The following LARP4B variants were observed in gnomAD, a reference collection of about 807,000 sequenced individuals.
LARP4B encodes the protein la-related protein 4B.
A neutral mutation model predicts 89.8 loss-of-function variants in LARP4B; 12 were observed. That is an observed-to-expected ratio of 0.13 (90% CI 0.09 to 0.22). The LOEUF is 0.22. Among genes scored for constraint, LARP4B ranks in the 10% least tolerant of loss-of-function variants. The pLI is 1.00. For synonymous variants in LARP4B, 367 were observed against 363.3 expected, an observed-to-expected ratio of 1.01 and a Z score of -0.12; for missense variants, 757 against 947.7, an observed-to-expected ratio of 0.80 and a Z score of 2.64.
chr10:872,165 G>C (rs910265901), intron 3 of LARP4B, among the ~76,000 whole-genome samples: 19 of 152,350 alleles, frequency 1.2e-4, no homozygotes, highest in African/African-American at 4.3e-4. Context: ...AGGGAATTCA[G>C]TGCAAGCTTC....
the LARP4B span, among the ~76,000 whole-genome samples, chr10:966,526 A>G: frequency 2.0e-5 from 3 of 152,338 alleles, no homozygotes; most frequent in South Asian, 6.2e-4. Flanking sequence ...GAGCCGTGGG[A>G]GCTGGGTCAG....
At chr10:927,891 G>A (rs1398446467) in intron 1 of LARP4B, among the ~76,000 whole-genome samples, 1 of 152,178 alleles carries the variant, frequency 6.6e-6, no homozygotes, top group African/African-American at 2.4e-5. Flanking sequence ...TAAGAGTACT[G>A]TATGCATGAT....
rs1830622818 is a variant in LARP4B, at chr10:931,690, T to TGAGAACACACAGCTCCCAC, written c.-303_-302insGTGGGAGCTGTGTGTTCTC. The TGAGAACACACAGCTCCCAC allele has an allele frequency of 6.6e-6, 1 of 151,654 alleles. No individual in the cohort carries two copies. The highest frequency in any genetic ancestry group is 2.4e-5 in the African/African-American group (1 of 41,240). The allele number at this position is 151,654 out of a possible 1,614,324, so 9.4% of individuals were successfully genotyped here. Reference sequence around the variant, plus strand: ...TCCCCAACGCTCCTTCCCGTTCGCATGAGAACACACAGCTCCCACTTCCGG... The same window carrying TGAGAACACACAGCTCCCAC: ...TCCCCAACGCTCCTTCCCGTTCGCATGAGAACACACAGCTCCCACGAGAACACACAGCTCCCACTTCCGG... On this transcript the variant is annotated 5_prime_UTR_variant, in exon 1 of 18. Coordinates refer to ENST00000316157, the MANE Select transcript of LARP4B (RefSeq NM_015155.3).
chr10:888,349 A>C (rs141721704), intron 1 of LARP4B, among the ~76,000 whole-genome samples: 1,930 of 151,098 alleles, frequency 0.013, 45 homozygotes, highest in East Asian at 0.097. Context: ...AAAAAAAAAA[A>C]ACACACACAC....
intron 3 of LARP4B, among the ~76,000 whole-genome samples, chr10:875,442 A>G (rs1400535005): frequency 2.6e-5 from 4 of 152,120 alleles, no homozygotes; most frequent in African/African-American, 9.7e-5. Flanking sequence ...GACCTCTTCT[A>G]TCTCATACTA....
chr10:873,180 G>A lies in LARP4B; in HGVS notation c.142-8910C>T, dbSNP rs994457163. On this transcript the variant is annotated intron_variant, in intron 3 of 17. Coordinates refer to ENST00000316157, the MANE Select transcript of LARP4B (RefSeq NM_015155.3). ...TCACAAGCACACGACAGGCGTGCTG[G>A]TCCCAAGCCTCCACAGACGCACCTC... The A allele has an allele frequency of 1.5e-5, 15 of 984,600 alleles. No individual in the cohort carries two copies. The African/African-American group carries it at 2.6e-4, about 17-fold the overall frequency. The allele number at this position is 984,600 out of a possible 1,614,324, so 61.0% of individuals were successfully genotyped here.
intron 1 of LARP4B, among the ~76,000 whole-genome samples, chr10:927,387 A>G (rs1305220669): frequency 5.3e-5 from 8 of 152,294 alleles, no homozygotes; most frequent in Non-Finnish European, 1.5e-5. Context: ...AAAGCATTAG[A>G]ACGTTAGGGG....
chr10:950,934 C>A, the LARP4B span, among the ~76,000 whole-genome samples: 1 of 151,776 alleles, frequency 6.6e-6, no homozygotes. Context: ...ATGTCATCTG[C>A]AAATAGGGGA....
chr10:972,457 C>A, the LARP4B span: 1 of 451,176 alleles, frequency 2.2e-6, no homozygotes, highest in South Asian at 1.6e-5. Context: ...ATTACCCAGT[C>A]TGTGGAATTG....
chr10:847,136 G>A (rs770421262), intron 5 of LARP4B, among the ~76,000 whole-genome samples: 6 of 152,216 alleles, frequency 3.9e-5, no homozygotes, highest in Non-Finnish European at 8.8e-5. Flanking sequence ...GAAGCAAGGA[G>A]ATGGGACAGC....
At chr10:984,168 G>A in the LARP4B span, among the ~76,000 whole-genome samples, 12 of 152,288 alleles carry the variant, frequency 7.9e-5, no homozygotes, top group Admixed American at 6.5e-4. Context: ...ACAACCACCT[G>A]CTTAACCAGC....
chr10:859,509 A>T (rs1397763256), intron 5 of LARP4B, among the ~76,000 whole-genome samples: 2 of 152,190 alleles, frequency 1.3e-5, no homozygotes, highest in African/African-American at 4.8e-5. Context: ...CTTATGATCC[A>T]GCAATCACAC....
chr10:869,417 G>A (rs1267242933), intron 3 of LARP4B, among the ~76,000 whole-genome samples: 3 of 152,132 alleles, frequency 2.0e-5, no homozygotes, highest in Admixed American at 6.5e-5. Flanking sequence ...ACAGAGCTCA[G>A]GGCATGCTTT....
chr10:885,997 G>A (rs756959402), intron 1 of LARP4B, among the ~76,000 whole-genome samples: 26 of 152,132 alleles, frequency 1.7e-4, no homozygotes, highest in Non-Finnish European at 3.5e-4. Flanking sequence ...CTAAAACTTG[G>A]AAACTCATGT....
At chr10:886,164 T>G (rs1447826550) in intron 1 of LARP4B, among the ~76,000 whole-genome samples, 1 of 152,102 alleles carries the variant, frequency 6.6e-6, no homozygotes, top group Non-Finnish European at 1.5e-5. Flanking sequence ...ATCAAAGGCA[T>G]GAACAGGCAT....
At chr10:962,634 G>A in the LARP4B span, among the ~76,000 whole-genome samples, 85 of 152,252 alleles carry the variant, frequency 5.6e-4, no homozygotes, top group East Asian at 3.7e-3. Flanking sequence ...ATTTATAGAC[G>A]GAATCAAGGT....
At chr10:958,834 C>T in the LARP4B span, among the ~76,000 whole-genome samples, 1 of 152,202 alleles carries the variant, frequency 6.6e-6, no homozygotes, top group African/African-American at 2.4e-5. Flanking sequence ...CCCACATCAC[C>T]CACTATGCCA....
At chr10:951,627 T>C in the LARP4B span, among the ~76,000 whole-genome samples, 28 of 151,930 alleles carry the variant, frequency 1.8e-4, no homozygotes, top group Non-Finnish European at 3.5e-4. Flanking sequence ...GGAGACCAAG[T>C]GGTGACTTCA....
intron 14 of LARP4B, chr10:819,127 A>G (rs1832212555): frequency 6.6e-6 from 1 of 152,250 alleles, no homozygotes; most frequent in African/African-American, 2.4e-5. Flanking sequence ...GCTCAAAATG[A>G]TCCTGCAAAG....
Sources: gnomAD v4.1 joint callset for allele counts (sites outside exome capture counted in the v4.1 genomes callset) on GRCh38, gnomAD v4.1.1 for gene constraint, MANE v1.5 for transcripts, NCBI Gene and HGNC (gene_info 2026-07-23, HGNC 2026-07-21) for gene names.